The following BLTP3B variants were observed in gnomAD, a reference collection of about 807,000 sequenced individuals.
The protein encoded by BLTP3B is bridge-like lipid transfer protein family member 3B.
chr12:100,139,548 A>T, the BLTP3B span, among the ~76,000 whole-genome samples: 2 of 152,148 alleles, frequency 1.3e-5, no homozygotes, highest in African/African-American at 4.8e-5. Context: ...TCCAGGATCC[A>T]AAGGCACCAC....
the BLTP3B span, among the ~76,000 whole-genome samples, chr12:100,041,992 T>C: frequency 4.6e-5 from 7 of 151,706 alleles, no homozygotes; most frequent in South Asian, 4.2e-4. Context: ...AATCCACAAA[T>C]GAAAGAAAAC....
chr12:100,082,985 T>G, the BLTP3B span: 1 of 1,520,940 alleles, frequency 6.6e-7, no homozygotes, highest in Non-Finnish European at 9.1e-7. Flanking sequence ...AAAGTGTTTA[T>G]GAGAAAACTT....
the BLTP3B span, among the ~76,000 whole-genome samples, chr12:100,054,650 A>G: frequency 3.9e-5 from 6 of 152,192 alleles, no homozygotes; most frequent in African/African-American, 1.2e-4. Context: ...TTCATGACAC[A>G]CATTAGTACC....
the BLTP3B span, among the ~76,000 whole-genome samples, chr12:100,105,345 A>T: frequency 6.6e-6 from 1 of 152,164 alleles, no homozygotes; most frequent in Non-Finnish European, 1.5e-5. Flanking sequence ...AACAGAATAC[A>T]CAGGCCAATG....
At chr12:100,037,596 T>TA in the BLTP3B span, 7 of 1,599,970 alleles carry the variant, frequency 4.4e-6, no homozygotes, top group African/African-American at 8.1e-5. Context: ...ATAACCTTCC[T>TA]ACTCCAGAGC....
chr12:100,083,794 G>A, the BLTP3B span, among the ~76,000 whole-genome samples: 2 of 151,974 alleles, frequency 1.3e-5, no homozygotes, highest in Non-Finnish European at 2.9e-5. Context: ...ATTCTTCCTG[G>A]GTGTGACTAT....
the BLTP3B span, chr12:100,083,078 ATTG>A: frequency 1.2e-6 from 2 of 1,613,842 alleles, no homozygotes; most frequent in South Asian, 2.2e-5. Flanking sequence ...TTAGCTTTTG[ATTG>A]TTGAGATAAT....
the BLTP3B span, chr12:100,047,379 T>A: frequency 3.8e-6 from 2 of 525,466 alleles, no homozygotes; most frequent in South Asian, 4.3e-5. Flanking sequence ...GCACCTGTAA[T>A]CCCAGCTACT....
At chr12:100,111,952 G>C in the BLTP3B span, among the ~76,000 whole-genome samples, 1 of 151,828 alleles carries the variant, frequency 6.6e-6, no homozygotes, top group African/African-American at 2.4e-5. Flanking sequence ...ATGTTGCTCA[G>C]GCTGATATCG....
At chr12:100,130,114 C>A in the BLTP3B span, among the ~76,000 whole-genome samples, 5 of 152,170 alleles carry the variant, frequency 3.3e-5, no homozygotes, top group Non-Finnish European at 7.3e-5. Flanking sequence ...TGCGCCACTA[C>A]ACCCAGCTAA....
At chr12:100,085,890 T>C in the BLTP3B span, among the ~76,000 whole-genome samples, 1 of 145,098 alleles carries the variant, frequency 6.9e-6, no homozygotes, top group Non-Finnish European at 1.5e-5. Context: ...ATTCCTAGCT[T>C]CATACTCTTT....
At chr12:100,057,722 T>C in the BLTP3B span, 1 of 1,611,480 alleles carries the variant, frequency 6.2e-7, no homozygotes, top group Non-Finnish European at 8.5e-7. Flanking sequence ...CCAGGTTGGG[T>C]GGGCAACGTT....
At chr12:100,074,367 G>T in the BLTP3B span, among the ~76,000 whole-genome samples, 1 of 152,176 alleles carries the variant, frequency 6.6e-6, no homozygotes, top group Non-Finnish European at 1.5e-5. Context: ...GAGAGGCTGA[G>T]GCGGGCAGAT....
At chr12:100,077,440 A>C in the BLTP3B span, among the ~76,000 whole-genome samples, 1 of 152,232 alleles carries the variant, frequency 6.6e-6, no homozygotes, top group Non-Finnish European at 1.5e-5. Context: ...AATAACTGTT[A>C]AATCAGTTTC....
the BLTP3B span, among the ~76,000 whole-genome samples, chr12:100,121,952 A>G: frequency 5.5e-3 from 828 of 151,798 alleles, 6 homozygotes; most frequent in Non-Finnish European, 0.01. Flanking sequence ...ACACACACAT[A>G]TATGTGTATA....
chr12:100,130,991 GA>G, the BLTP3B span, among the ~76,000 whole-genome samples: 6 of 67,366 alleles, frequency 8.9e-5, no homozygotes, highest in African/African-American at 3.5e-4. Context: ...GGGAGAGAGA[GA>G]GAGAGAGAGA....
chr12:100,100,111 T>A, the BLTP3B span, among the ~76,000 whole-genome samples: 84 of 151,870 alleles, frequency 5.5e-4, 1 homozygote, highest in African/African-American at 2.0e-3. Flanking sequence ...CAGACCAGCC[T>A]GACCAACAAG....
At chr12:100,106,712 C>T in the BLTP3B span, among the ~76,000 whole-genome samples, 11 of 152,056 alleles carry the variant, frequency 7.2e-5, no homozygotes, top group Admixed American at 5.9e-4. Context: ...ATACAATTCA[C>T]TCATGTAAAC....
the BLTP3B span, chr12:100,047,682 C>A: frequency 1.4e-6 from 2 of 1,395,556 alleles, no homozygotes; most frequent in South Asian, 2.3e-5. Context: ...TTCATTCGGT[C>A]ATATTTTTAA....
Sources: gnomAD v4.1 joint callset for allele counts (sites outside exome capture counted in the v4.1 genomes callset) on GRCh38, gnomAD v4.1.1 for gene constraint, MANE v1.5 for transcripts, NCBI Gene and HGNC (gene_info 2026-07-23, HGNC 2026-07-21) for gene names.